The following CAMTA1 variants were observed in gnomAD, a reference collection of about 807,000 sequenced individuals.
The protein encoded by CAMTA1 is calmodulin binding transcription activator 1, also known as calmodulin-binding transcription activator 1.
A neutral mutation model predicts 170.9 loss-of-function variants in CAMTA1; 27 were observed. The observed-to-expected ratio is 0.16, with a 90% CI of 0.12 to 0.22. The LOEUF is 0.22. CAMTA1 is among the 10% of genes least tolerant of loss of function. The pLI is 1.00. For synonymous variants in CAMTA1, 833 were observed against 891.5 expected, an observed-to-expected ratio of 0.93 and a Z score of 1.17; for missense variants, 1,619 against 2,217.2, an observed-to-expected ratio of 0.73 and a Z score of 5.42.
chr1:7,490,508 C>T (rs1030628316), intron 6 of CAMTA1, among the ~76,000 whole-genome samples: 17 of 152,258 alleles, frequency 1.1e-4, no homozygotes, highest in East Asian at 9.7e-4. Context: ...AAAAATTAGC[C>T]GGGCGTAGTG....
At chr1:7,568,489 ATC>A (rs1557931446) in intron 6 of CAMTA1, among the ~76,000 whole-genome samples, 1 of 150,558 alleles carries the variant, frequency 6.6e-6, no homozygotes, top group African/African-American at 2.5e-5. Flanking sequence ...CAACATCACC[ATC>A]ATCATCACCA....
chr1:7,659,520 C>T (rs545542671), intron 7 of CAMTA1, among the ~76,000 whole-genome samples: 1 of 151,832 alleles, frequency 6.6e-6, no homozygotes, highest in African/African-American at 2.4e-5. Flanking sequence ...GGCAACAGAG[C>T]GAGACTCTGT....
At chr1:7,471,055 C>T (rs775417303) in intron 6 of CAMTA1, among the ~76,000 whole-genome samples, 3 of 152,220 alleles carry the variant, frequency 2.0e-5, no homozygotes, top group Non-Finnish European at 4.4e-5. Flanking sequence ...CTCGCAGACT[C>T]GGGGCCTGGA....
rs183552220 is a variant in CAMTA1, at chr1:6,888,015, C to T, written c.234+62805C>T. The T allele has an allele frequency of 2.5e-5, 28 of 1,134,680 alleles. No individual in the cohort carries two copies. The Admixed American group carries it at 8.1e-4, about 33-fold the overall frequency. The allele number at this position is 1,134,680 out of a possible 1,614,324, so 70.3% of individuals were successfully genotyped here. A position where few individuals can be genotyped will look rare whatever the true frequency, so the allele number is the denominator to read the frequency against. ...GACCATCCATGATGCCACTCTGTCC[C>T]CTCAGCAAGCTGCCTTTTTCTTCCT... is the stretch of plus-strand genomic sequence containing the variant. On this transcript the variant is annotated intron_variant, in intron 3 of 22. Coordinates refer to ENST00000303635, the MANE Select transcript of CAMTA1 (RefSeq NM_015215.4).
chr1:6,824,995 T>C (rs1646946679), intron 2 of CAMTA1, 97 bp from the exon 3 acceptor site: 3 of 650,208 alleles, frequency 4.6e-6, no homozygotes, highest in East Asian at 2.8e-5. Flanking sequence ...TGGTCTCACA[T>C]TGACTAAACT....
At chr1:7,521,564 A>T (rs1478035023) in intron 6 of CAMTA1, among the ~76,000 whole-genome samples, 5 of 150,720 alleles carry the variant, frequency 3.3e-5, no homozygotes, top group Admixed American at 2.6e-4. Flanking sequence ...TTTTTTTCAG[A>T]TGGAGGCTTG....
At position 7,144,465 on chromosome 1, in the gene CAMTA1, A is replaced by G. The variant is rs574962699; in HGVS notation, c.302+53094A>G. ...GGCCACTGAGGGTAAGGGCCTGAAC[A>G]TATGAATTTTGGGGGACACAATTCA... On this transcript the variant is annotated intron_variant, in intron 4 of 22. Transcript: ENST00000303635. The surrounding 1 kb of genome is among the most constrained non-coding windows in gnomAD (Gnocchi z 4.0). Among the ~76,000 whole-genome samples the G allele has an allele frequency of 6.6e-6, 1 of 152,274 alleles. No individual in the cohort carries two copies. The highest frequency in any genetic ancestry group is 2.1e-4 in the South Asian group (1 of 4,822).
chr1:7,327,272 G>A (rs373773007), intron 5 of CAMTA1, among the ~76,000 whole-genome samples: 4 of 151,898 alleles, frequency 2.6e-5, no homozygotes, highest in Non-Finnish European at 5.9e-5. Flanking sequence ...CAGGCTTGGT[G>A]GTGGGCGCCT....
chr1:6,884,514 A>C (rs568311039), intron 3 of CAMTA1, among the ~76,000 whole-genome samples: 1 of 152,214 alleles, frequency 6.6e-6, no homozygotes, highest in Admixed American at 6.5e-5. Context: ...CTCTCATGAA[A>C]GCCTCCAAGG....
In CAMTA1 at chr1:7,649,245, G is replaced by A. The variant is rs567952487; in HGVS notation, c.664+8692G>A. 6.4e-4 allele frequency among the ~76,000 whole-genome samples: 98 copies of A among 152,348 alleles called. 1 individual carries two copies. Among genetic ancestry groups the A allele is most frequent in the Middle Eastern group, 6.8e-3 (2 of 294 alleles). On this transcript the variant is annotated intron_variant, in intron 7 of 22. Coordinates refer to ENST00000303635, the MANE Select transcript of CAMTA1 (RefSeq NM_015215.4). Reference sequence around the variant, plus strand: ...GAGAAACCCTGGAGTTGCATAAGAGGAAGCACATCTGTGTCCCCACGGCAG... The same window carrying A: ...GAGAAACCCTGGAGTTGCATAAGAGAAAGCACATCTGTGTCCCCACGGCAG...
chr1:6,868,177 A>G (rs1022682366), intron 3 of CAMTA1, among the ~76,000 whole-genome samples: 1 of 151,926 alleles, frequency 6.6e-6, no homozygotes, highest in African/African-American at 2.4e-5. Flanking sequence ...AGCATTATAT[A>G]ATGTTGAGTT....
chr1:7,645,685 C>A (rs1221145579), intron 7 of CAMTA1, among the ~76,000 whole-genome samples: 1 of 152,274 alleles, frequency 6.6e-6, no homozygotes, highest in African/African-American at 2.4e-5. Context: ...TGCCTGCCAG[C>A]CCCAGAGCTC....
At chr1:7,761,257 A>C (rs1460816186) in intron 22 of CAMTA1, among the ~76,000 whole-genome samples, 1 of 152,154 alleles carries the variant, frequency 6.6e-6, no homozygotes, top group Non-Finnish European at 1.5e-5. Flanking sequence ...TAAGAGTTCT[A>C]CTTTGCAAGT....
At chr1:7,618,563 G>A (rs1233395961) in intron 6 of CAMTA1, among the ~76,000 whole-genome samples, 1 of 152,176 alleles carries the variant, frequency 6.6e-6, no homozygotes. Flanking sequence ...TTGGCTCCTT[G>A]GGCCGGTTCC....
intron 3 of CAMTA1, among the ~76,000 whole-genome samples, chr1:6,949,412 T>C (rs1192136392): frequency 6.6e-6 from 1 of 152,232 alleles, no homozygotes; most frequent in East Asian, 1.9e-4. Flanking sequence ...ACCCCGTGAA[T>C]CATGCTGTGG....
chr1:7,497,971 C>G (rs975444366), intron 6 of CAMTA1, among the ~76,000 whole-genome samples: 1 of 152,122 alleles, frequency 6.6e-6, no homozygotes, highest in African/African-American at 2.4e-5. Flanking sequence ...GGGCCTCACT[C>G]GAGGCCCTCA....
chr1:7,318,519 T>C lies in CAMTA1; in HGVS notation c.438+68893T>C, dbSNP rs575269674. Among the ~76,000 whole-genome samples the C allele has an allele frequency of 8.1e-4, 123 of 152,360 alleles. 1 individual carries two copies. Among genetic ancestry groups the C allele is most frequent in the African/African-American group, 2.6e-3 (110 of 41,600 alleles). On this transcript the variant is annotated intron_variant, in intron 5 of 22. Coordinates refer to ENST00000303635, the MANE Select transcript of CAMTA1 (RefSeq NM_015215.4). ...TAATGTGACCAGAGCTACGTATTTC[T>C]GATTTTTCGCCTCCATCTTGGTATC...
At chr1:6,928,416 G>A (rs552732604) in intron 3 of CAMTA1, among the ~76,000 whole-genome samples, 59 of 152,286 alleles carry the variant, frequency 3.9e-4, no homozygotes, top group African/African-American at 1.3e-3. Context: ...GTGTTCAGCA[G>A]GTGCTTACGT....
chr1:7,064,261 T>G lies in CAMTA1; in HGVS notation c.235-27043T>G, dbSNP rs1025340222. On this transcript the variant is annotated intron_variant, in intron 3 of 22. Transcript: ENST00000303635. This position sits in a 1 kb window ranked among gnomAD's most constrained non-coding sequence, Gnocchi z 5.4. ...TCTTGTTCTTGTTCTTTTCTTCCTC[T>G]TGTTCTCTCTCTCTCACTCTCTCCC... Among the ~76,000 whole-genome samples, 10 of 152,078 alleles carry G rather than the reference T, an allele frequency of 6.6e-5. No individual in the cohort carries two copies. In the South Asian group the frequency reaches 2.1e-3, roughly 32 times the overall value.
Sources: gnomAD v4.1 joint callset for allele counts (sites outside exome capture counted in the v4.1 genomes callset) on GRCh38, gnomAD v4.1.1 for gene constraint, Gnocchi (gnomAD v3.1) non-coding constraint, MANE v1.5 for transcripts, NCBI Gene and HGNC (gene_info 2026-07-23, HGNC 2026-07-21) for gene names.